The following RALGPS1 variants were observed in gnomAD, a reference collection of about 807,000 sequenced individuals.
RALGPS1 encodes Ral GEF with PH domain and SH3 binding motif 1.
In RALGPS1, 19 loss-of-function variants were observed where a neutral mutation model predicts 78.8. That is an observed-to-expected ratio of 0.24 (90% CI 0.17 to 0.35). RALGPS1 has a LOEUF of 0.35. RALGPS1 is among the 10% of genes least tolerant of loss of function. The pLI is 1.00. For missense variants in RALGPS1, 454 were observed against 688.3 expected (o/e 0.66, Z 3.81); for synonymous variants, 228 against 256.3 (o/e 0.89, Z 1.06).
rs141854776 is a variant in RALGPS1 at position 127,144,276 on chromosome 9, C to T, written c.611-21793C>T. ...ATTAGCTCCTGGACCCGTAGTACCC[C>T]AGCGGTGGCCCTCATGGACGATTCG... On this transcript the variant is annotated intron_variant, in intron 8 of 18. Coordinates refer to ENST00000259351, the MANE Select transcript of RALGPS1 (RefSeq NM_014636.3). Among the ~76,000 whole-genome samples the T allele has an allele frequency of 5.3e-4, 80 of 152,330 alleles. 1 individual carries two copies. In the East Asian group the frequency reaches 0.014, roughly 28 times the overall value.
intron 4 of RALGPS1, among the ~76,000 whole-genome samples, chr9:127,021,452 C>T (rs1278240197): frequency 2.7e-5 from 4 of 149,264 alleles, no homozygotes; most frequent in Non-Finnish European, 4.4e-5. Flanking sequence ...GAGCTGAGAT[C>T]GCACCATTGC....
chr9:127,151,280 A>G (rs987156522), intron 8 of RALGPS1, among the ~76,000 whole-genome samples: 5 of 150,996 alleles, frequency 3.3e-5, no homozygotes, highest in Admixed American at 6.6e-5. Context: ...TTTATATGGA[A>G]AAAAAAAAAA....
At chr9:127,023,573 C>A (rs943085775) in intron 4 of RALGPS1, among the ~76,000 whole-genome samples, 3 of 152,144 alleles carry the variant, frequency 2.0e-5, no homozygotes, top group Admixed American at 1.3e-4. Flanking sequence ...GCAGTGAGTT[C>A]CCCTCCAGCC....
In RALGPS1 at chr9:127,188,832, T is replaced by TTAAAAAA. The variant is rs756481918; in HGVS notation, c.911-6259_911-6258insTAAAAAA. Among the ~76,000 whole-genome samples the TTAAAAAA allele has an allele frequency of 2.5e-3, 221 of 87,400 alleles. 28 individuals carry two copies. The highest frequency in any genetic ancestry group is 0.012 in the East Asian group (29 of 2,438). 57.3% of individuals were successfully genotyped at this position (87,400 alleles called of 152,430 possible). ...AAAGACTAAGAAACCCCATCTCTAC[T>TTAAAAAA]AAAAAAAAAAAAAAAAATGTAGCCA... On this transcript the variant is annotated intron_variant, in intron 11 of 18. Transcript: ENST00000259351.
chr9:127,042,140 TCATGGTTGGTTAA>T (rs1264983820), intron 5 of RALGPS1, among the ~76,000 whole-genome samples: 4 of 152,256 alleles, frequency 2.6e-5, no homozygotes, highest in Non-Finnish European at 5.9e-5. Flanking sequence ...ATTGTTTTTT[TCATGGTTGGTTAA>T]CTGAATAAAG....
chr9:127,138,797 G>T (rs1182549248), intron 8 of RALGPS1, among the ~76,000 whole-genome samples: 1 of 152,142 alleles, frequency 6.6e-6, no homozygotes, highest in African/African-American at 2.4e-5. Flanking sequence ...GCTCATTAAT[G>T]CAGGAAAAGC....
In RALGPS1 at chr9:127,220,510, T is replaced by A. The variant is rs1283763506; in HGVS notation, c.*1741T>A. On this transcript the variant is annotated 3_prime_UTR_variant, in exon 19 of 19. Transcript: ENST00000259351. ...AGAATACTTTCCTCCTAAGAGAAAC[T>A]CCCAGGTGATAAAAGTTGATGCCAT... 6.6e-6 allele frequency: 1 copy of A among 152,158 alleles called. No individual in the cohort carries two copies. The highest frequency in any genetic ancestry group is 1.5e-5 in the Non-Finnish European group (1 of 68,032). The allele number at this position is 152,158 out of a possible 1,614,324, so 9.4% of individuals were successfully genotyped here. A position where few individuals can be genotyped will look rare whatever the true frequency, so the allele number is the denominator to read the frequency against.
intron 8 of RALGPS1, among the ~76,000 whole-genome samples, chr9:127,098,280 G>C (rs2136690659): frequency 6.6e-6 from 1 of 152,350 alleles, no homozygotes; most frequent in Admixed American, 6.5e-5. Context: ...CTTTGGACCA[G>C]TGCAGAGTAC....
At chr9:126,932,135 A>G (rs643940) in intron 1 of RALGPS1, among the ~76,000 whole-genome samples, 98,007 of 152,082 alleles carry the variant, frequency 0.64, 33,287 homozygotes, top group East Asian at 0.81. Flanking sequence ...GGGTCTGTGA[A>G]CTTGAGAGAG....
intron 1 of RALGPS1, among the ~76,000 whole-genome samples, chr9:126,929,883 C>T (rs1237460540): frequency 6.6e-6 from 1 of 152,148 alleles, no homozygotes; most frequent in African/African-American, 2.4e-5. Flanking sequence ...CTCTGTTGCC[C>T]AGGCTGGAGT....
chr9:126,995,493 T>G (rs2042659889), intron 4 of RALGPS1, among the ~76,000 whole-genome samples: 1 of 152,202 alleles, frequency 6.6e-6, no homozygotes, highest in African/African-American at 2.4e-5. Flanking sequence ...ATCCTAAATA[T>G]ATATGCACCC....
chr9:126,986,527 T>G (rs1446974524), intron 4 of RALGPS1, among the ~76,000 whole-genome samples: 1 of 152,180 alleles, frequency 6.6e-6, no homozygotes, highest in Non-Finnish European at 1.5e-5. Context: ...CAAGGTGGTG[T>G]TTTGTCTCTA....
chr9:126,942,944 G>A (rs940247558), intron 1 of RALGPS1, among the ~76,000 whole-genome samples: 2 of 151,734 alleles, frequency 1.3e-5, no homozygotes, highest in Non-Finnish European at 2.9e-5. Context: ...TCTTTTGTTA[G>A]TGGGCTCTTG....
intron 4 of RALGPS1, among the ~76,000 whole-genome samples, chr9:126,997,945 G>T (rs1301786121): frequency 3.3e-5 from 5 of 152,142 alleles, no homozygotes; most frequent in Non-Finnish European, 7.4e-5. Context: ...AATAAATGGT[G>T]CTTGGAAAAC....
chr9:126,974,395 G>A (rs982876439), intron 3 of RALGPS1, among the ~76,000 whole-genome samples: 6 of 152,160 alleles, frequency 3.9e-5, no homozygotes, highest in African/African-American at 1.4e-4. Context: ...TTGGTGGAGT[G>A]GGGTAAAGCC....
At chr9:127,134,994 G>A (rs1345430330) in intron 8 of RALGPS1, among the ~76,000 whole-genome samples, 1 of 152,176 alleles carries the variant, frequency 6.6e-6, no homozygotes. Context: ...GTGCTGAGAG[G>A]AGACAGCACT....
At chr9:127,191,891 G>T (rs1338784398) in intron 11 of RALGPS1, among the ~76,000 whole-genome samples, 3 of 151,996 alleles carry the variant, frequency 2.0e-5, no homozygotes, top group Admixed American at 2.0e-4. Context: ...TAGAGACGGG[G>T]TTTCACCGTG....
intron 8 of RALGPS1, among the ~76,000 whole-genome samples, chr9:127,121,964 G>A (rs889602137): frequency 6.6e-6 from 1 of 152,298 alleles, no homozygotes. Context: ...TCTTCAGTAC[G>A]CTGCCCTCTA....
chr9:126,990,028 C>T (rs1320718179), intron 4 of RALGPS1: 7 of 1,548,656 alleles, frequency 4.5e-6, no homozygotes, highest in Non-Finnish European at 6.1e-6. Context: ...GTCTGGATGC[C>T]GTTTGCCTGC....
Sources: allele counts gnomAD v4.1 joint callset (sites outside exome capture counted in the v4.1 genomes callset), GRCh38; gene constraint gnomAD v4.1.1; transcripts MANE v1.5; gene names NCBI Gene and HGNC (gene_info 2026-07-23, HGNC 2026-07-21).